Variants in PAM observed in about 807,000 individuals in gnomAD.
PAM encodes peptidylglycine alpha-amidating monooxygenase, also known as peptidyl-glycine alpha-amidating monooxygenase.
Under a neutral mutation model 122.1 loss-of-function variants are expected in PAM, and 72 were observed. The ratio of observed to expected loss-of-function variants is 0.59; its 90% CI spans 0.49 to 0.72. The LOEUF is 0.72. PAM is among the 30% of genes least tolerant of loss of function. The pLI is 0.00. For missense variants in PAM, 1,106 were observed against 1,183.7 expected, an observed-to-expected ratio of 0.93 and a Z score of 0.96; for synonymous variants, 389 against 404.4, an observed-to-expected ratio of 0.96 and a Z score of 0.46.
intron 3 of PAM, among the ~76,000 whole-genome samples, chr5:102,880,016 C>T (rs991163869): frequency 2.6e-5 from 4 of 152,174 alleles, no homozygotes; most frequent in African/African-American, 9.6e-5. Flanking sequence ...TGCCGTGGCT[C>T]ACGTCTGTAG....
At chr5:102,817,925 G>A (rs1770423973) in intron 1 of PAM, among the ~76,000 whole-genome samples, 1 of 148,764 alleles carries the variant, frequency 6.7e-6, no homozygotes, top group Admixed American at 6.8e-5. Context: ...TTCCTGGAGT[G>A]CTGTTCCTCC....
chr5:102,914,706 A>G (rs1312028293), intron 5 of PAM, among the ~76,000 whole-genome samples: 1 of 152,112 alleles, frequency 6.6e-6, no homozygotes, highest in African/African-American at 2.4e-5. Context: ...CTGAAGCTCA[A>G]AGTGATTCAG....
At chr5:102,814,000 T>C (rs1171787039) in intron 1 of PAM, among the ~76,000 whole-genome samples, 2 of 152,190 alleles carry the variant, frequency 1.3e-5, no homozygotes, top group African/African-American at 4.8e-5. Flanking sequence ...TTGTCATAGA[T>C]GATTTTACAA....
At chr5:102,955,887 G>T (rs1362674066) in intron 12 of PAM, among the ~76,000 whole-genome samples, 5 of 151,814 alleles carry the variant, frequency 3.3e-5, no homozygotes, top group Admixed American at 6.6e-5. Context: ...GAGATTTTTT[G>T]TTTTTGAATG....
At chr5:102,793,254 T>C (rs114555443) in intron 1 of PAM, among the ~76,000 whole-genome samples, 4,633 of 152,154 alleles carry the variant, frequency 0.03, 112 homozygotes, top group Non-Finnish European at 0.048. Flanking sequence ...TTGGGCTGGG[T>C]GCAGTGGCTC....
At chr5:102,767,883 C>G (rs1754564323) in intron 1 of PAM, among the ~76,000 whole-genome samples, 1 of 152,088 alleles carries the variant, frequency 6.6e-6, no homozygotes, top group African/African-American at 2.4e-5. Context: ...GAAAATGAGG[C>G]TCACAGAGGT....
intron 7 of PAM, among the ~76,000 whole-genome samples, chr5:102,937,565 T>A (rs1489819657): frequency 6.6e-6 from 1 of 152,106 alleles, no homozygotes; most frequent in African/African-American, 2.4e-5. Context: ...TGTCATGTAC[T>A]CATTTGTTTA....
At chr5:102,919,789 T>C (rs982102071) in intron 5 of PAM, among the ~76,000 whole-genome samples, 3 of 152,132 alleles carry the variant, frequency 2.0e-5, no homozygotes, top group Non-Finnish European at 4.4e-5. Flanking sequence ...GGTCTCTGAT[T>C]CTAACTTCCA....
intron 7 of PAM, among the ~76,000 whole-genome samples, chr5:102,926,954 A>G (rs767828212): frequency 1.3e-5 from 2 of 151,742 alleles, no homozygotes; most frequent in Non-Finnish European, 2.9e-5. Flanking sequence ...TCTTGCTCTT[A>G]TTAGGAGTGC....
intron 3 of PAM, among the ~76,000 whole-genome samples, chr5:102,868,831 A>C (rs768235424): frequency 4.6e-5 from 7 of 152,190 alleles, no homozygotes; most frequent in Non-Finnish European, 1.0e-4. Flanking sequence ...ATTACTTAAC[A>C]ATAATAATGG....
intron 12 of PAM, among the ~76,000 whole-genome samples, chr5:102,951,217 GT>G (rs573057144): frequency 5.9e-4 from 89 of 152,050 alleles, no homozygotes; most frequent in African/African-American, 1.9e-3. Context: ...GAACCATGAT[GT>G]TAAAACTCTC....
chr5:102,760,498 A>G (rs1752001940), intron 1 of PAM, among the ~76,000 whole-genome samples: 1 of 152,216 alleles, frequency 6.6e-6, no homozygotes, highest in Non-Finnish European at 1.5e-5. Context: ...TTTAAGTATA[A>G]ATTAATTAAA....
At chr5:102,817,024 T>C (rs1770070803) in intron 1 of PAM, among the ~76,000 whole-genome samples, 1 of 152,126 alleles carries the variant, frequency 6.6e-6, no homozygotes, top group African/African-American at 2.4e-5. Flanking sequence ...AATATTAACA[T>C]GTTGGTATGT....
chr5:102,861,794 A>T (rs991856562), intron 1 of PAM, among the ~76,000 whole-genome samples: 1 of 152,152 alleles, frequency 6.6e-6, no homozygotes, highest in Non-Finnish European at 1.5e-5. Flanking sequence ...GAAAAAAGTT[A>T]TTTGTACTAT....
At chr5:102,895,223 C>A (rs11956370) in intron 3 of PAM, among the ~76,000 whole-genome samples, 2,196 of 151,866 alleles carry the variant, frequency 0.014, 46 homozygotes, top group African/African-American at 0.051. Context: ...ACATTGCCAA[C>A]CCCCCTTGAC....
At chr5:102,920,308 C>T (rs998793364) in intron 5 of PAM, among the ~76,000 whole-genome samples, 4 of 151,966 alleles carry the variant, frequency 2.6e-5, no homozygotes, top group African/African-American at 9.7e-5. Flanking sequence ...ATATATTAAT[C>T]ATTCACTATG....
At chr5:102,901,224 C>A in intron 3 of PAM, 132 bp from the exon 4 acceptor site, 1 of 575,670 alleles carries the variant, frequency 1.7e-6, no homozygotes, top group South Asian at 2.2e-5. Context: ...ATTAACCTGC[C>A]ACTCAGCCCT....
rs1039086610 is a variant in PAM at position 102,865,942 on chromosome 5, G to A, written c.-254G>A. 10 of 420,316 alleles carry A rather than the reference G, an allele frequency of 2.4e-5. No individual in the cohort carries two copies. The South Asian group carries it at 2.4e-4, about 10-fold the overall frequency. The allele number at this position is 420,316 out of a possible 1,614,324, so 26.0% of individuals were successfully genotyped here. A position where few individuals can be genotyped will look rare whatever the true frequency, so the allele number is the denominator to read the frequency against. On this transcript the variant is annotated 5_prime_UTR_variant, in exon 2 of 26. Transcript: ENST00000438793. ...CAGGGCACGCGAGCGGCGCTGGAGG[G>A]AGGAAAGCTTCCGCCTGCGGGCCGG...
chr5:102,870,572 T>C (rs545127358), intron 3 of PAM, among the ~76,000 whole-genome samples: 118 of 152,368 alleles, frequency 7.7e-4, no homozygotes, highest in African/African-American at 2.7e-3. Flanking sequence ...TGGTTTATTA[T>C]CTGTTGCAAT....
Sources: allele counts gnomAD v4.1 joint callset (sites outside exome capture counted in the v4.1 genomes callset), GRCh38; gene constraint gnomAD v4.1.1; transcripts MANE v1.5; gene names NCBI Gene and HGNC (gene_info 2026-07-23, HGNC 2026-07-21).